Variants in CSNK1G2 observed in about 807,000 individuals in gnomAD.
CSNK1G2 encodes the protein casein kinase I isoform gamma-2.
CSNK1G2 carries 11 observed loss-of-function variants against 48.0 expected under a neutral mutation model. The ratio of observed to expected loss-of-function variants is 0.23; its 90% CI spans 0.14 to 0.38. The LOEUF is 0.38. CSNK1G2 is among the 10% of genes least tolerant of loss of function. The pLI, the probability that CSNK1G2 is intolerant of heterozygous loss-of-function variation, is 1.00. For synonymous variants in CSNK1G2, 337 were observed against 254.1 expected (o/e 1.33, Z -3.10); for missense variants, 446 against 595.5 (o/e 0.75, Z 2.61).
At chr19:1,962,438 G>A (rs937013623) in intron 1 of CSNK1G2, among the ~76,000 whole-genome samples, 1 of 152,042 alleles carries the variant, frequency 6.6e-6, no homozygotes, top group Non-Finnish European at 1.5e-5. Flanking sequence ...AGGCCGAGGA[G>A]GGAGGATTGT....
intron 1 of CSNK1G2, chr19:1,953,362 G>T (rs1047866385): frequency 3.8e-6 from 2 of 533,192 alleles, no homozygotes; most frequent in Non-Finnish European, 7.7e-6. Flanking sequence ...TGCGCCATGG[G>T]GGCCTGGGTG....
At position 1,978,559 on chromosome 19, in the gene CSNK1G2, G is replaced by T. The variant is rs765215987; in HGVS notation, c.299-43G>T. 5 of 1,570,930 alleles carry T rather than the reference G, an allele frequency of 3.2e-6. No individual in the cohort carries two copies. The Admixed American group carries it at 9.4e-5, about 29-fold the overall frequency. On this transcript the variant is annotated intron_variant, in intron 4 of 11. Transcript: ENST00000255641. The surrounding 1 kb of genome is among the most constrained non-coding windows in gnomAD (Gnocchi z 7.3). ...GGCGGGGGCTGCGCAGGGGCAGGGA[G>T]GGGGCTGCCGCCGCACGCCCGTGCG...
At chr19:1,947,497 G>A (rs1421089809) in intron 1 of CSNK1G2, among the ~76,000 whole-genome samples, 2 of 152,252 alleles carry the variant, frequency 1.3e-5, no homozygotes, top group Admixed American at 6.5e-5. Context: ...GGCAGCTGGC[G>A]CTGATGCCCA....
chr19:1,969,955 C>T lies in CSNK1G2; in HGVS notation c.183C>T (p.Arg61=), dbSNP rs1313128926. ...KIGCGNFGEL[R]LGKNLYTNEY... is the part of the protein sequence containing the mutation. ...GCTGCGGCAACTTCGGGGAGCTCCG[C>T]CTAGGTGAGGCCCTGCTCGGTGGTA... The change falls in exon 2 of 12, where the codon CGC becomes CGT. Residue 61 remains arginine (R), a synonymous_variant. Transcript: ENST00000255641. 3.1e-6 allele frequency: 4 copies of T among 1,307,104 alleles called. No individual in the cohort carries two copies. Among genetic ancestry groups the T allele is most frequent in the Non-Finnish European group, 2.9e-6 (3 of 1,021,788 alleles). The allele number at this position is 1,307,104 out of a possible 1,614,324, so 81.0% of individuals were successfully genotyped here.
intron 1 of CSNK1G2, chr19:1,952,629 A>T (rs1161956852): frequency 6.2e-6 from 1 of 162,094 alleles, no homozygotes; most frequent in Non-Finnish European, 1.4e-5. Flanking sequence ...ACGATGATTA[A>T]AAAAACCCGA....
At chr19:1,942,381 C>T (rs967564275) in intron 1 of CSNK1G2, 1 of 152,400 alleles carries the variant, frequency 6.6e-6, no homozygotes, top group Non-Finnish European at 1.5e-5. Flanking sequence ...GTTCTTATTC[C>T]TGTGGCCTCC....
intron 1 of CSNK1G2, among the ~76,000 whole-genome samples, chr19:1,943,954 G>A (rs1046056967): frequency 1.3e-5 from 2 of 152,198 alleles, no homozygotes; most frequent in Admixed American, 1.3e-4. Flanking sequence ...GCCTGGCAGG[G>A]GCTGCGGGCC....
At chr19:1,947,441 C>T (rs561232737) in intron 1 of CSNK1G2, among the ~76,000 whole-genome samples, 7 of 152,364 alleles carry the variant, frequency 4.6e-5, no homozygotes, top group South Asian at 2.1e-4. Context: ...ATCCTGTCCG[C>T]GGCAGTTGTG....
intron 2 of CSNK1G2, chr19:1,976,178 G>C: frequency 1.8e-6 from 2 of 1,100,754 alleles, no homozygotes; most frequent in South Asian, 2.6e-5. Context: ...GTTGTTTTAC[G>C]AGGAGAATTT....
intron 1 of CSNK1G2, among the ~76,000 whole-genome samples, chr19:1,947,876 T>A (rs1343799578): frequency 1.3e-5 from 2 of 152,148 alleles, no homozygotes; most frequent in Non-Finnish European, 2.9e-5. Context: ...CCATGAGTTG[T>A]CGGGGACCTC....
At position 1,979,844 on chromosome 19, in the gene CSNK1G2, C is replaced by G. The variant is rs1030088293; in HGVS notation, c.1086+9C>G. 6.2e-7 allele frequency: 1 copy of G among 1,602,078 alleles called. No individual in the cohort carries two copies. The highest frequency in any genetic ancestry group is 2.3e-5 in the East Asian group (1 of 44,280). On this transcript the variant is annotated intron_variant, in intron 10 of 11. Coordinates refer to ENST00000255641, the MANE Select transcript of CSNK1G2 (RefSeq NM_001319.7). ...CGCACAGCAAAAACCAGGTGAGGCCCGGGCGGGACCGACCGCCCCAGGGAG... is the reference window on the plus strand; with the variant it reads ...CGCACAGCAAAAACCAGGTGAGGCCGGGGCGGGACCGACCGCCCCAGGGAG...
At chr19:1,944,678 C>T (rs2014488844) in intron 1 of CSNK1G2, among the ~76,000 whole-genome samples, 1 of 137,512 alleles carries the variant, frequency 7.3e-6, no homozygotes, top group Non-Finnish European at 1.5e-5. Context: ...TGTCCGGGAG[C>T]TTGACTGGCC....
chr19:1,947,965 C>G (rs930211622), intron 1 of CSNK1G2, among the ~76,000 whole-genome samples: 1 of 17,180 alleles, frequency 5.8e-5, no homozygotes, highest in Non-Finnish European at 8.6e-5. Flanking sequence ...TCAGCTCGTC[C>G]TCGTGCCCGG....
intron 1 of CSNK1G2, among the ~76,000 whole-genome samples, chr19:1,961,380 C>T (rs1408117720): frequency 2.6e-5 from 4 of 152,246 alleles, no homozygotes; most frequent in Non-Finnish European, 5.9e-5. Flanking sequence ...TCAGGTATCC[C>T]TCCTGGCTGG....
At position 1,978,407 on chromosome 19, in the gene CSNK1G2, C is replaced by T. The variant is rs569600798; in HGVS notation, c.229-35C>T. On this transcript the variant is annotated intron_variant, in intron 3 of 11. Coordinates refer to ENST00000255641, the MANE Select transcript of CSNK1G2 (RefSeq NM_001319.7). The surrounding 1 kb of genome is among the most constrained non-coding windows in gnomAD (Gnocchi z 7.3). ...CCCCCCAGGGATTTCAGGGCAGCGA[C>T]CCGGTCCCCTGGTGACTCGCTCTTG... 1.9e-6 allele frequency: 3 copies of T among 1,611,472 alleles called. No individual in the cohort carries two copies. In the South Asian group the frequency reaches 3.3e-5, roughly 18 times the overall value.
intron 1 of CSNK1G2, among the ~76,000 whole-genome samples, chr19:1,947,507 A>G (rs1000845): frequency 0.44 from 67,093 of 152,204 alleles, 17,990 homozygotes; most frequent in Non-Finnish European, 0.6. Flanking sequence ...GCTGATGCCC[A>G]GGCTCTGCCT....
chr19:1,947,315 A>T (rs2014598917), intron 1 of CSNK1G2, among the ~76,000 whole-genome samples: 1 of 151,396 alleles, frequency 6.6e-6, no homozygotes, highest in Admixed American at 6.6e-5. Context: ...TGCAGGTGGG[A>T]CCCGCCCTCC....
intron 1 of CSNK1G2, among the ~76,000 whole-genome samples, chr19:1,959,789 C>A (rs2015135091): frequency 8.3e-6 from 1 of 120,616 alleles, no homozygotes. Context: ...CCTTTAGTGC[C>A]ACCCTGGGTC....
At chr19:1,962,690 G>A (rs940875759) in intron 1 of CSNK1G2, among the ~76,000 whole-genome samples, 1 of 152,082 alleles carries the variant, frequency 6.6e-6, no homozygotes, top group Admixed American at 6.5e-5. Flanking sequence ...TCACAGAAGC[G>A]CTGGGGTGGG....
Sources: allele counts gnomAD v4.1 joint callset (sites outside exome capture counted in the v4.1 genomes callset), GRCh38; gene constraint gnomAD v4.1.1; non-coding constraint Gnocchi (gnomAD v3.1); transcripts MANE v1.5; gene names NCBI Gene and HGNC (gene_info 2026-07-23, HGNC 2026-07-21).